Variants in PTPRD observed in about 807,000 individuals in gnomAD.
PTPRD encodes protein tyrosine phosphatase receptor type D, also known as receptor-type tyrosine-protein phosphatase delta.
PTPRD carries 34 observed loss-of-function variants against 214.5 expected under a neutral mutation model. That is an observed-to-expected ratio of 0.16 (90% CI 0.12 to 0.21). PTPRD has a LOEUF of 0.21. PTPRD is among the 10% of genes least tolerant of loss of function. The probability of loss-of-function intolerance (pLI) is 1.00; values close to 1 mark genes in which losing one functional copy is unlikely to be tolerated. For synonymous variants in PTPRD, 1,128 were observed against 845.7 expected (o/e 1.33, Z -5.79); for missense variants, 2,545 against 2,398.7 (o/e 1.06, Z -1.27).
At chr9:9,704,835 C>T (rs746729882) in intron 7 of PTPRD, among the ~76,000 whole-genome samples, 4 of 152,188 alleles carry the variant, frequency 2.6e-5, no homozygotes, top group South Asian at 4.1e-4. Context: ...AGATTCCAAA[C>T]GAGTCATTTT....
chr9:10,401,701 T>C (rs2098272463), intron 2 of PTPRD, among the ~76,000 whole-genome samples: 1 of 149,714 alleles, frequency 6.7e-6, no homozygotes, highest in Non-Finnish European at 1.5e-5. Context: ...TAAAATGGCA[T>C]TCAGATATAA....
In PTPRD at chr9:9,428,204, G is replaced by A. The variant is rs146223331; in HGVS notation, c.-236-30722C>T. ...AGAGACACACAGGCTCAGAATAAAG[G>A]GATGGAGGAAGATCTACCAAGCAAA... On this transcript the variant is annotated intron_variant, in intron 8 of 45. Transcript: ENST00000381196. Among the ~76,000 whole-genome samples the A allele has an allele frequency of 5.3e-3, 807 of 152,072 alleles. 6 individuals are homozygous for A. The highest frequency in any genetic ancestry group is 0.019 in the African/African-American group (770 of 41,466).
intron 14 of PTPRD, among the ~76,000 whole-genome samples, chr9:8,600,303 G>A (rs185229121): frequency 6.6e-6 from 1 of 152,270 alleles, no homozygotes; most frequent in East Asian, 1.9e-4. Context: ...AGCACTCTGA[G>A]GCCGTATGTG....
At chr9:8,611,772 G>A (rs1186819257) in intron 14 of PTPRD, among the ~76,000 whole-genome samples, 2 of 75,748 alleles carry the variant, frequency 2.6e-5, no homozygotes, top group African/African-American at 3.4e-4. Context: ...AAAGAAAGGA[G>A]GGGAGGGGAG....
intron 3 of PTPRD, among the ~76,000 whole-genome samples, chr9:10,085,395 A>G (rs562167012): frequency 8.6e-5 from 13 of 151,958 alleles, no homozygotes; most frequent in Admixed American, 7.9e-4. Flanking sequence ...ACTGCTGGAG[A>G]TATTTTTAAG....
chr9:10,610,245 A>C (rs995327071), intron 2 of PTPRD, among the ~76,000 whole-genome samples: 2 of 152,174 alleles, frequency 1.3e-5, no homozygotes, highest in South Asian at 2.1e-4. Flanking sequence ...TGCATGTGCA[A>C]GCTTTACTAG....
At chr9:9,201,334 T>C (rs973035916) in intron 9 of PTPRD, among the ~76,000 whole-genome samples, 2 of 152,176 alleles carry the variant, frequency 1.3e-5, no homozygotes, top group Admixed American at 6.5e-5. Context: ...AGGTCTTTCC[T>C]ATTTTTCTCG....
At chr9:8,409,975 C>T (rs776233325) in intron 35 of PTPRD, among the ~76,000 whole-genome samples, 4 of 152,170 alleles carry the variant, frequency 2.6e-5, no homozygotes, top group Non-Finnish European at 4.4e-5. Context: ...TCAGTAGGCT[C>T]ATTTGGTTCT....
intron 11 of PTPRD, among the ~76,000 whole-genome samples, chr9:8,832,377 G>A (rs184259595): frequency 4.3e-5 from 6 of 139,434 alleles, no homozygotes; most frequent in African/African-American, 1.3e-4. Flanking sequence ...ACAAAAAGAT[G>A]TCAAATGTAA....
At chr9:9,270,226 C>T (rs1942265422) in intron 9 of PTPRD, among the ~76,000 whole-genome samples, 1 of 151,046 alleles carries the variant, frequency 6.6e-6, no homozygotes, top group African/African-American at 2.4e-5. Context: ...TCAATTATGC[C>T]TTTATAAAGC....
At chr9:8,686,136 C>T (rs541045660) in intron 12 of PTPRD, among the ~76,000 whole-genome samples, 5 of 152,312 alleles carry the variant, frequency 3.3e-5, no homozygotes, top group South Asian at 2.1e-4. Flanking sequence ...CAGTGCACAG[C>T]GTACAATATG....
At chr9:10,032,267 C>G (rs144609355) in intron 4 of PTPRD, among the ~76,000 whole-genome samples, 60 of 152,244 alleles carry the variant, frequency 3.9e-4, no homozygotes, top group African/African-American at 1.4e-3. Context: ...AGTGTAACAT[C>G]TTGTAGCCCA....
intron 2 of PTPRD, among the ~76,000 whole-genome samples, chr9:10,349,541 G>T (rs1027452095): frequency 2.0e-5 from 3 of 151,990 alleles, no homozygotes; most frequent in Non-Finnish European, 4.4e-5. Context: ...GATGTCCTGT[G>T]GATTTGTTTC....
chr9:9,730,929 T>C (rs10122890), intron 7 of PTPRD, among the ~76,000 whole-genome samples: 89,574 of 151,980 alleles, frequency 0.59, 28,900 homozygotes, highest in African/African-American at 0.84. Context: ...ATTGTGCATA[T>C]GTTATTATTT....
chr9:10,316,322 C>T (rs2096431700), intron 3 of PTPRD, among the ~76,000 whole-genome samples: 2 of 151,618 alleles, frequency 1.3e-5, no homozygotes, highest in Non-Finnish European at 2.9e-5. Flanking sequence ...GGTCCTTTGA[C>T]ATTTGGAAAA....
At chr9:9,467,213 C>CGTTTTTTTTTT (rs1295163512) in intron 8 of PTPRD, among the ~76,000 whole-genome samples, 1 of 92,900 alleles carries the variant, frequency 1.1e-5, no homozygotes, top group African/African-American at 4.4e-5. Context: ...GTTCATTTAT[C>CGTTTTTTTTTT]TTTTTTTTTT....
At chr9:8,461,531 A>T (rs2096402322) in intron 32 of PTPRD, among the ~76,000 whole-genome samples, 1 of 151,846 alleles carries the variant, frequency 6.6e-6, no homozygotes, top group South Asian at 2.1e-4. Flanking sequence ...AACAGAAACT[A>T]ATCCATATCC....
At chr9:8,660,995 C>T (rs1251588040) in intron 12 of PTPRD, among the ~76,000 whole-genome samples, 1 of 152,066 alleles carries the variant, frequency 6.6e-6, no homozygotes, top group Non-Finnish European at 1.5e-5. Flanking sequence ...TGCACTCACT[C>T]TGGCTATGAA....
At chr9:8,592,919 G>A (rs1460378220) in intron 14 of PTPRD, among the ~76,000 whole-genome samples, 1 of 152,180 alleles carries the variant, frequency 6.6e-6, no homozygotes, top group Non-Finnish European at 1.5e-5. Context: ...TTGACAGAAA[G>A]AATCAAGAAG....
Sources: gnomAD v4.1 joint callset for allele counts (sites outside exome capture counted in the v4.1 genomes callset) on GRCh38, gnomAD v4.1.1 for gene constraint, MANE v1.5 for transcripts, NCBI Gene and HGNC (gene_info 2026-07-23, HGNC 2026-07-21) for gene names.